LRRC72: variants seen among roughly 807,000 people sequenced by gnomAD.
LRRC72 encodes the protein leucine-rich repeat-containing protein 72.
In LRRC72, 41 loss-of-function variants were observed where a neutral mutation model predicts 35.8. The ratio of observed to expected loss-of-function variants is 1.15; its 90% CI spans 0.89 to 1.49. The LOEUF is 1.49. Among genes scored for constraint, LRRC72 ranks in the 40% most tolerant of loss-of-function variants. The pLI is 0.00. For missense variants in LRRC72, 389 were observed against 330.7 expected, an observed-to-expected ratio of 1.18 and a Z score of -1.37; for synonymous variants, 118 against 119.2, an observed-to-expected ratio of 0.99 and a Z score of 0.07.
chr7:16,563,767 T>G (rs995106421), intron 5 of LRRC72, among the ~76,000 whole-genome samples: 1 of 152,218 alleles, frequency 6.6e-6, no homozygotes, highest in Non-Finnish European at 1.5e-5. Flanking sequence ...ATAATAATGA[T>G]GAAATGCCTG....
chr7:16,528,611 A>AG (rs1309260099), intron 1 of LRRC72, among the ~76,000 whole-genome samples: 2 of 151,436 alleles, frequency 1.3e-5, no homozygotes, highest in Admixed American at 6.6e-5. Context: ...CCCCACCCTG[A>AG]GGGGGCAGGC....
At chr7:16,578,886 C>T (rs905328742) in intron 7 of LRRC72, among the ~76,000 whole-genome samples, 2 of 152,126 alleles carry the variant, frequency 1.3e-5, no homozygotes, top group Admixed American at 6.6e-5. Flanking sequence ...ACTGCATGAT[C>T]CCACTTATAT....
intron 6 of LRRC72, 44 bp downstream of exon 6, chr7:16,566,446 C>T (rs1288886354): frequency 7.5e-7 from 1 of 1,327,968 alleles, no homozygotes; most frequent in Admixed American, 2.4e-5. Context: ...GAGAAGTAGT[C>T]TTATAGCTCA....
chr7:16,566,178 C>G, intron 5 of LRRC72, 135 bp from the exon 6 acceptor site: 1 of 539,046 alleles, frequency 1.9e-6, no homozygotes, highest in South Asian at 3.3e-5. Flanking sequence ...TTTAATGGGT[C>G]TATTGCTTGA....
chr7:16,571,631 G>A (rs1782946471), intron 7 of LRRC72, among the ~76,000 whole-genome samples: 1 of 152,158 alleles, frequency 6.6e-6, no homozygotes, highest in South Asian at 2.1e-4. Context: ...AGCCATGAGG[G>A]ACTGTGCCTT....
chr7:16,566,453 C>A, intron 6 of LRRC72, 51 bp downstream of exon 6: 1 of 1,240,068 alleles, frequency 8.1e-7, no homozygotes, highest in Non-Finnish European at 1.1e-6. Flanking sequence ...AGTCTTATAG[C>A]TCAGCGGTTT....
intron 5 of LRRC72, among the ~76,000 whole-genome samples, chr7:16,560,986 A>T (rs535224026): frequency 6.6e-6 from 1 of 152,340 alleles, no homozygotes; most frequent in Admixed American, 6.5e-5. Context: ...TAATCATGGA[A>T]ATGAAAAGCT....
At chr7:16,563,169 A>G (rs955854377) in intron 5 of LRRC72, among the ~76,000 whole-genome samples, 5 of 152,198 alleles carry the variant, frequency 3.3e-5, no homozygotes, top group African/African-American at 1.2e-4. Flanking sequence ...AATTACATCA[A>G]CTTTCTTCGA....
At chr7:16,558,865 G>A (rs925016994) in intron 4 of LRRC72, 24 bp from the exon 5 acceptor site, 3 of 1,311,200 alleles carry the variant, frequency 2.3e-6, no homozygotes, top group Non-Finnish European at 3.0e-6. Context: ...TTAAAATCTT[G>A]TAAAAATATT....
intron 7 of LRRC72, among the ~76,000 whole-genome samples, chr7:16,569,953 C>T (rs1341556952): frequency 6.6e-6 from 1 of 151,668 alleles, no homozygotes; most frequent in East Asian, 1.9e-4. Flanking sequence ...TCGCTTGCAC[C>T]TGGGAGGTGG....
chr7:16,559,223 G>T (rs1304574768), intron 5 of LRRC72, among the ~76,000 whole-genome samples: 2 of 151,936 alleles, frequency 1.3e-5, no homozygotes, highest in South Asian at 2.1e-4. Context: ...GCAAAACCCT[G>T]CCTCTACCAA....
intron 3 of LRRC72, among the ~76,000 whole-genome samples, chr7:16,547,254 A>G (rs1026885451): frequency 6.6e-6 from 1 of 152,102 alleles, no homozygotes; most frequent in Non-Finnish European, 1.5e-5. Flanking sequence ...GAGCTGCTGC[A>G]ATGGGGCCAG....
intron 3 of LRRC72, among the ~76,000 whole-genome samples, chr7:16,551,290 C>A (rs1425811914): frequency 1.3e-5 from 2 of 152,296 alleles, no homozygotes; most frequent in South Asian, 4.1e-4. Flanking sequence ...TTGGGTTTAA[C>A]GGACATAGTC....
chr7:16,553,770 A>G (rs1253943725), intron 3 of LRRC72, among the ~76,000 whole-genome samples: 1 of 152,138 alleles, frequency 6.6e-6, no homozygotes, highest in African/African-American at 2.4e-5. Flanking sequence ...GAAACCCTGA[A>G]TTCTTCCTTA....
At chr7:16,549,802 C>T (rs1442895994) in intron 3 of LRRC72, among the ~76,000 whole-genome samples, 3 of 151,954 alleles carry the variant, frequency 2.0e-5, no homozygotes, top group African/African-American at 7.3e-5. Flanking sequence ...GTTTTAGATG[C>T]TACACAGCCA....
chr7:16,532,504 G>C lies in LRRC72; in HGVS notation c.100G>C (p.Asp34His). Residue 34 changes from aspartate (D) to histidine (H), a missense_variant, in exon 2 of 9, where the codon GAT (aspartate) becomes CAT (histidine). By Grantham distance (81) the Asp-to-His change is moderately conservative (BLOSUM62 -1). Transcript: ENST00000401542. Reference protein sequence around the residue: ...ALQSSRRAVEDQLKICGHRRD... With the variant: ...ALQSSRRAVEHQLKICGHRRD... The stretch of plus-strand genomic sequence containing the variant: ...AATTATATGTTATCAGGCAGTTGAA[G>C]ATCAGCTAAAGATATGTGGCCACAG... The C allele has an allele frequency of 1.3e-6, 2 of 1,549,748 alleles. No homozygotes were observed. Among genetic ancestry groups the C allele is most frequent in the Non-Finnish European group, 1.7e-6 (2 of 1,146,186 alleles).
chr7:16,550,974 T>A lies in LRRC72; in HGVS notation c.235-6386T>A, dbSNP rs140840234. ...TTTGACTTTTTTGTTAGCTTTTTGT[T>A]AGGAACTGAATTGTGTCTCCCTCAA... On this transcript the variant is annotated intron_variant, in intron 3 of 8. Transcript: ENST00000401542. Among the ~76,000 whole-genome samples, 25 of 152,338 alleles carry A rather than the reference T, an allele frequency of 1.6e-4. 1 individual carries two copies. The East Asian group carries it at 4.4e-3, about 27-fold the overall frequency.
At chr7:16,534,201 T>C (rs1288541780) in intron 2 of LRRC72, among the ~76,000 whole-genome samples, 6 of 152,198 alleles carry the variant, frequency 3.9e-5, no homozygotes, top group African/African-American at 1.4e-4. Flanking sequence ...TGTTCTTGAG[T>C]GATCATGGAG....
chr7:16,558,191 G>T (rs1294456811), intron 4 of LRRC72, among the ~76,000 whole-genome samples: 5 of 151,982 alleles, frequency 3.3e-5, no homozygotes, highest in Admixed American at 3.3e-4. Flanking sequence ...TTTTTCCCTT[G>T]ACTAGCATTA....
Sources: gnomAD v4.1 joint callset for allele counts (sites outside exome capture counted in the v4.1 genomes callset) on GRCh38, gnomAD v4.1.1 for gene constraint, MANE v1.5 for transcripts, NCBI Gene and HGNC (gene_info 2026-07-23, HGNC 2026-07-21) for gene names.